NRXN3: variants seen among roughly 807,000 people sequenced by gnomAD.
NRXN3 encodes the protein neurexin 3.
NRXN3 carries 32 observed loss-of-function variants against 137.6 expected under a neutral mutation model. The observed-to-expected ratio is 0.23, with a 90% CI of 0.18 to 0.31. The LOEUF is 0.31. NRXN3 is among the 10% of genes least tolerant of loss of function. NRXN3 has a pLI of 1.00. For missense variants in NRXN3, 1,574 were observed against 2,062.5 expected (o/e 0.76, Z 4.59); for synonymous variants, 798 against 784.5 (o/e 1.02, Z -0.29).
At chr14:79,686,275 C>T (rs1205526379) in intron 17 of NRXN3, among the ~76,000 whole-genome samples, 1 of 152,084 alleles carries the variant, frequency 6.6e-6, no homozygotes, top group Non-Finnish European at 1.5e-5. Flanking sequence ...ATGATAACTA[C>T]ATGTCTACAG....
rs1160149483 is a variant in NRXN3 at position 78,503,474 on chromosome 14, G to C, written c.758-141646G>C. ...TTCAGAGAGGTCTGGTAGGAATCTA[G>C]GTTGTCAGCTGGGATCGTGATCTTC... On this transcript the variant is annotated intron_variant, in intron 4 of 20. Coordinates refer to ENST00000335750, the MANE Select transcript of NRXN3 (RefSeq NM_001330195.2). 3.9e-5 allele frequency among the ~76,000 whole-genome samples: 6 copies of C among 152,262 alleles called. No individual in the cohort carries two copies. In the South Asian group the frequency reaches 1.2e-3, roughly 32 times the overall value.
At chr14:79,666,248 T>C (rs970000419) in intron 17 of NRXN3, among the ~76,000 whole-genome samples, 2 of 152,132 alleles carry the variant, frequency 1.3e-5, no homozygotes, top group Non-Finnish European at 2.9e-5. Context: ...TTTAAGAAGA[T>C]GTTCATTCTT....
Position 79,088,492 on chromosome 14 carries a change from T to A in NRXN3, c.3262+100351T>A, listed in dbSNP as rs943903144. ...TTTCCCCAGAGTTCTTATATATCTA[T>A]GTATATGTGTATAATATGTTTGAAT... On this transcript the variant is annotated intron_variant, in intron 15 of 20. Transcript: ENST00000335750. Among the ~76,000 whole-genome samples, 11 of 151,554 alleles carry A rather than the reference T, an allele frequency of 7.3e-5. 2 individuals carry two copies. Among genetic ancestry groups the A allele is most frequent in the African/African-American group, 2.7e-4 (11 of 40,846 alleles).
chr14:78,443,365 AC>A (rs1463463055), intron 4 of NRXN3, among the ~76,000 whole-genome samples: 1 of 152,202 alleles, frequency 6.6e-6, no homozygotes, highest in Non-Finnish European at 1.5e-5. Flanking sequence ...GCATGTACAC[AC>A]ATGCACTGTG....
intron 15 of NRXN3, among the ~76,000 whole-genome samples, chr14:79,184,895 C>G (rs904519322): frequency 6.6e-6 from 1 of 152,108 alleles, no homozygotes; most frequent in African/African-American, 2.4e-5. Flanking sequence ...GTTAAGGGTA[C>G]TGCACAAATA....
At chr14:79,818,999 G>A (rs2099262120) in intron 20 of NRXN3, among the ~76,000 whole-genome samples, 1 of 152,168 alleles carries the variant, frequency 6.6e-6, no homozygotes, top group Admixed American at 6.5e-5. Context: ...CTGTCCTAGA[G>A]CAGTGCTTCC....
At chr14:79,318,134 CA>C (rs1001242242) in intron 15 of NRXN3, among the ~76,000 whole-genome samples, 1 of 151,938 alleles carries the variant, frequency 6.6e-6, no homozygotes, top group Non-Finnish European at 1.5e-5. Context: ...GTAACATTTC[CA>C]AAAAAATATA....
chr14:79,861,280 T>C lies in NRXN3; in HGVS notation c.4094-62T>C. 1.3e-6 allele frequency: 2 copies of C among 1,536,082 alleles called. No homozygotes were observed. Among genetic ancestry groups the C allele is most frequent in the South Asian group, 2.4e-5 (2 of 84,054 alleles). ...CTGGGTATGGCTCAGGGGAAACCTT[T>C]GACTCTAACCTGCCCCCTACTGATG... On this transcript the variant is annotated intron_variant, in intron 20 of 20. Transcript: ENST00000335750. This position sits in a 1 kb window ranked among gnomAD's most constrained non-coding sequence, Gnocchi z 5.4.
chr14:78,244,047 G>T (rs905859125), intron 2 of NRXN3, among the ~76,000 whole-genome samples: 2 of 152,208 alleles, frequency 1.3e-5, no homozygotes, highest in African/African-American at 4.8e-5. Context: ...AGGGTTAGAT[G>T]AAGTAGGCTG....
chr14:79,599,968 C>T (rs757447032), intron 16 of NRXN3, among the ~76,000 whole-genome samples: 10 of 152,056 alleles, frequency 6.6e-5, no homozygotes, highest in Non-Finnish European at 1.5e-4. Context: ...GCACTCCAGC[C>T]TAGGCAACAG....
chr14:78,974,943 G>A (rs572997962), intron 14 of NRXN3, among the ~76,000 whole-genome samples: 42 of 152,268 alleles, frequency 2.8e-4, no homozygotes, highest in African/African-American at 7.9e-4. Flanking sequence ...AAGAAGTGAC[G>A]TAATGAGTCT....
intron 20 of NRXN3, among the ~76,000 whole-genome samples, chr14:79,844,206 C>G (rs574743044): frequency 1.3e-5 from 2 of 151,960 alleles, no homozygotes; most frequent in East Asian, 3.9e-4. Flanking sequence ...GCTATTTCCA[C>G]CATATCTTCA....
intron 15 of NRXN3, among the ~76,000 whole-genome samples, chr14:79,452,638 G>A (rs185931397): frequency 6.6e-6 from 1 of 152,304 alleles, no homozygotes; most frequent in African/African-American, 2.4e-5. Context: ...TGAAGAACAA[G>A]TAAGAAACTT....
At chr14:79,153,773 C>A (rs2060007027) in intron 15 of NRXN3, among the ~76,000 whole-genome samples, 2 of 152,102 alleles carry the variant, frequency 1.3e-5, no homozygotes, top group South Asian at 4.1e-4. Context: ...CCAACCCATT[C>A]TCCTTAATGC....
At chr14:79,557,984 TC>T (rs2097448137) in intron 16 of NRXN3, among the ~76,000 whole-genome samples, 1 of 152,192 alleles carries the variant, frequency 6.6e-6, no homozygotes, top group South Asian at 2.1e-4. Flanking sequence ...TCAACAGTGT[TC>T]ACGACATGTT....
chr14:78,286,726 C>A (rs2075227155), intron 3 of NRXN3, among the ~76,000 whole-genome samples: 1 of 152,270 alleles, frequency 6.6e-6, no homozygotes, highest in Admixed American at 6.5e-5. Context: ...GAGAGAGGAC[C>A]TAGATAGACC....
intron 16 of NRXN3, among the ~76,000 whole-genome samples, chr14:79,485,907 G>T (rs1011838669): frequency 6.6e-6 from 1 of 152,128 alleles, no homozygotes; most frequent in Admixed American, 6.5e-5. Flanking sequence ...TCCATTAGAT[G>T]CTTGAACGTG....
chr14:79,624,048 TTAAAGA>T (rs2153905516), intron 16 of NRXN3, among the ~76,000 whole-genome samples: 1 of 152,244 alleles, frequency 6.6e-6, no homozygotes, highest in African/African-American at 2.4e-5. Flanking sequence ...ATGACTACTG[TTAAAGA>T]TAAAGACTGC....
intron 14 of NRXN3, among the ~76,000 whole-genome samples, chr14:78,977,448 A>G (rs533840515): frequency 2.6e-5 from 4 of 152,160 alleles, no homozygotes; most frequent in African/African-American, 9.6e-5. Context: ...AGACCCCTAC[A>G]TCAGTGCCTA....
Sources: gnomAD v4.1 joint callset for allele counts (sites outside exome capture counted in the v4.1 genomes callset) on GRCh38, gnomAD v4.1.1 for gene constraint, Gnocchi (gnomAD v3.1) non-coding constraint, MANE v1.5 for transcripts, NCBI Gene and HGNC (gene_info 2026-07-23, HGNC 2026-07-21) for gene names.